The following HDAC9 variants were observed in gnomAD, a reference collection of about 807,000 sequenced individuals.
HDAC9 encodes MEF-2 interacting transcription repressor (MITR) protein.
Under a neutral mutation model 139.4 loss-of-function variants are expected in HDAC9, and 41 were observed. The observed-to-expected ratio is 0.29, with a 90% CI of 0.23 to 0.38. The LOEUF (loss-of-function observed/expected upper bound fraction) is 0.38, where lower values mean the gene tolerates loss of function less well. HDAC9 is among the 10% of genes least tolerant of loss of function. HDAC9 has a pLI of 1.00. For missense variants in HDAC9, 1,147 were observed against 1,297.0 expected (o/e 0.88, Z 1.78); for synonymous variants, 517 against 476.2 (o/e 1.09, Z -1.12).
At chr7:18,853,733 ACT>A (rs1462694637) in intron 21 of HDAC9, among the ~76,000 whole-genome samples, 10 of 152,076 alleles carry the variant, frequency 6.6e-5, no homozygotes, top group African/African-American at 2.2e-4. Flanking sequence ...AATCTTTTCA[ACT>A]CTTAGATTTC....
intron 6 of HDAC9, among the ~76,000 whole-genome samples, chr7:18,595,761 T>C (rs1832303409): frequency 6.6e-6 from 1 of 152,014 alleles, no homozygotes; most frequent in South Asian, 2.1e-4. Context: ...TAACTGACTT[T>C]GAAAAGAAGT....
In HDAC9 at chr7:18,591,452, T is replaced by C. The variant is rs1023016628; in HGVS notation, c.416-64T>C. ...AGGCATGAGAGGACAAAACTCACCA[T>C]CAACATCTGTTTCTGTGTGTGTATG... On this transcript the variant is annotated intron_variant, in intron 4 of 25. Coordinates refer to ENST00000686413, the MANE Select transcript of HDAC9 (RefSeq NM_178425.4). The C allele has an allele frequency of 4.9e-5, 73 of 1,485,784 alleles. 2 individuals are homozygous for C. The East Asian group carries it at 1.7e-3, about 35-fold the overall frequency. The allele number at this position is 1,485,784 out of a possible 1,614,324, so 92.0% of individuals were successfully genotyped here. A position where few individuals can be genotyped will look rare whatever the true frequency, so the allele number is the denominator to read the frequency against.
At chr7:18,197,403 G>T (rs753367706) in intron 2 of HDAC9, among the ~76,000 whole-genome samples, 2 of 152,188 alleles carry the variant, frequency 1.3e-5, no homozygotes, top group African/African-American at 4.8e-5. Flanking sequence ...AATATATTTG[G>T]TTTTGATTTT....
intron 6 of HDAC9, 117 bp downstream of exon 6, chr7:18,594,146 AC>A (rs1831795067): frequency 1.0e-6 from 1 of 968,970 alleles, no homozygotes. Flanking sequence ...ATACCTCCCC[AC>A]CCCTGCCCCC....
intron 1 of HDAC9, among the ~76,000 whole-genome samples, chr7:18,101,154 G>A (rs1383436149): frequency 6.6e-6 from 1 of 152,148 alleles, no homozygotes; most frequent in Non-Finnish European, 1.5e-5. Context: ...GTAGACCTCT[G>A]AATATCTCTT....
chr7:18,430,268 G>T (rs1196751493), intron 1 of HDAC9, among the ~76,000 whole-genome samples: 1 of 152,112 alleles, frequency 6.6e-6, no homozygotes, highest in Non-Finnish European at 1.5e-5. Context: ...CTATTGCCCA[G>T]GCTGGAGTGC....
chr7:18,953,349 A>G (rs559566165), intron 23 of HDAC9, among the ~76,000 whole-genome samples: 18 of 152,258 alleles, frequency 1.2e-4, no homozygotes, highest in African/African-American at 3.8e-4. Flanking sequence ...TTCTGCTGCA[A>G]CATGCCAAAC....
chr7:18,147,342 A>G (rs886992640), intron 1 of HDAC9, among the ~76,000 whole-genome samples: 2 of 152,198 alleles, frequency 1.3e-5, no homozygotes, highest in African/African-American at 4.8e-5. Flanking sequence ...TTTAGTGTAC[A>G]TTTGGAAGGT....
At chr7:18,960,814 G>A (rs866637950) in intron 24 of HDAC9, among the ~76,000 whole-genome samples, 2 of 152,050 alleles carry the variant, frequency 1.3e-5, no homozygotes, top group African/African-American at 4.8e-5. Context: ...AGGAGAAGGG[G>A]CATTTACATC....
At chr7:18,642,966 T>G (rs1786177721) in intron 8 of HDAC9, among the ~76,000 whole-genome samples, 1 of 152,118 alleles carries the variant, frequency 6.6e-6, no homozygotes, top group Non-Finnish European at 1.5e-5. Context: ...TGAATGAATA[T>G]TATGCCCTAT....
chr7:18,889,842 C>T (rs139585134), intron 22 of HDAC9, among the ~76,000 whole-genome samples: 164 of 152,260 alleles, frequency 1.1e-3, no homozygotes, highest in African/African-American at 3.6e-3. Context: ...GCACTACCGG[C>T]CTGTGATACC....
intron 2 of HDAC9, among the ~76,000 whole-genome samples, chr7:18,533,259 C>T (rs965978041): frequency 9.2e-5 from 14 of 152,126 alleles, no homozygotes; most frequent in Non-Finnish European, 1.9e-4. Context: ...CCGGGAGTTT[C>T]CAGCCTTCTT....
intron 1 of HDAC9, among the ~76,000 whole-genome samples, chr7:18,139,642 C>G (rs563531741): frequency 3.3e-5 from 5 of 152,130 alleles, no homozygotes; most frequent in Non-Finnish European, 7.3e-5. Flanking sequence ...ACCTTCTAAT[C>G]CTTGGCATCT....
intron 16 of HDAC9, among the ~76,000 whole-genome samples, chr7:18,786,506 C>CTTCCTTCCTTCCTTCATTCCTTCCTTCCT (rs1791763578): frequency 7.9e-6 from 1 of 126,054 alleles, no homozygotes; most frequent in African/African-American, 3.2e-5. Flanking sequence ...TCCTTCCTTC[C>CTTCCTTCCTTCCTTCATTCCTTCCTTCCT]TCTCTCTCAT....
chr7:18,856,527 C>G (rs917638353), intron 21 of HDAC9, among the ~76,000 whole-genome samples: 3 of 152,002 alleles, frequency 2.0e-5, no homozygotes, highest in African/African-American at 7.2e-5. Context: ...CTCTATTTTT[C>G]TTACACTGAA....
chr7:18,817,361 T>TC (rs1166256349), intron 17 of HDAC9, among the ~76,000 whole-genome samples: 1 of 151,874 alleles, frequency 6.6e-6, no homozygotes, highest in African/African-American at 2.4e-5. Context: ...TTGTAAGGCC[T>TC]GTTACAACAA....
intron 1 of HDAC9, among the ~76,000 whole-genome samples, chr7:18,468,933 TGAGTTTA>T (rs1794514506): frequency 6.6e-6 from 1 of 152,206 alleles, no homozygotes; most frequent in Non-Finnish European, 1.5e-5. Context: ...TTGTCAGCCT[TGAGTTTA>T]GATGGATGAC....
intron 1 of HDAC9, among the ~76,000 whole-genome samples, chr7:18,095,100 A>G (rs1274882926): frequency 6.6e-6 from 1 of 152,134 alleles, no homozygotes; most frequent in African/African-American, 2.4e-5. Flanking sequence ...ATCATCTCGT[A>G]GCGAAAATCA....
chr7:18,552,101 T>A (rs1229891025), intron 2 of HDAC9, among the ~76,000 whole-genome samples: 1 of 152,208 alleles, frequency 6.6e-6, no homozygotes, highest in Non-Finnish European at 1.5e-5. Flanking sequence ...ATTAAAATTA[T>A]ACAGGAATTC....
Sources: allele counts gnomAD v4.1 joint callset (sites outside exome capture counted in the v4.1 genomes callset), GRCh38; gene constraint gnomAD v4.1.1; transcripts MANE v1.5; gene names NCBI Gene and HGNC (gene_info 2026-07-23, HGNC 2026-07-21).